Variants in C20orf203 observed in about 807,000 individuals in gnomAD.
C20orf203 encodes the protein chromosome 20 open reading frame 203.
In C20orf203, 16 loss-of-function variants were observed where a neutral mutation model predicts 15.9. The ratio of observed to expected loss-of-function variants is 1.01; its 90% CI spans 0.68 to 1.53. The LOEUF is 1.53. C20orf203 is among the 40% of genes most tolerant of loss of function. The pLI is 0.00. For missense variants in C20orf203, 263 were observed against 247.5 expected (o/e 1.06, Z -0.42); for synonymous variants, 98 against 97.2 (o/e 1.01, Z -0.05).
chr20:32,663,845 G>A (rs1227021120), intron 1 of C20orf203, among the ~76,000 whole-genome samples: 1 of 152,220 alleles, frequency 6.6e-6, no homozygotes, highest in Non-Finnish European at 1.5e-5. Flanking sequence ...ACCAGCCATG[G>A]GACACTGCCC....
chr20:32,643,625 CCACACA>C (rs56325748), intron 4 of C20orf203, among the ~76,000 whole-genome samples: 9,289 of 140,676 alleles, frequency 0.066, 450 homozygotes, highest in African/African-American at 0.13. Flanking sequence ...CTTCCTGGAA[CCACACA>C]CACACACACA....
At chr20:32,643,394 C>T (rs1488432764) in intron 4 of C20orf203, among the ~76,000 whole-genome samples, 1 of 152,090 alleles carries the variant, frequency 6.6e-6, no homozygotes, top group Non-Finnish European at 1.5e-5. Context: ...TAAAATAAAG[C>T]CCAGAGCATC....
At position 32,633,810 on chromosome 20, in the gene C20orf203, C is replaced by T. The variant is rs1303038491; in HGVS notation, c.*1760G>A. ...CCCTCACCGCGTTGCACTACCTGGT[C>T]CCCTGGTCCCAGCCTCCTTTCATGG... On this transcript the variant is annotated 3_prime_UTR_variant, in exon 6 of 6. Transcript: ENST00000608990. The T allele has an allele frequency of 5.2e-6, 2 of 383,514 alleles. No homozygotes were observed. Among genetic ancestry groups the T allele is most frequent in the African/African-American group, 4.1e-5 (2 of 48,306 alleles). The allele number at this position is 383,514 out of a possible 1,614,324, so 23.8% of individuals were successfully genotyped here. A position where few individuals can be genotyped will look rare whatever the true frequency, so the allele number is the denominator to read the frequency against.
chr20:32,641,152 CTACAAAA>C (rs750494577), intron 4 of C20orf203, among the ~76,000 whole-genome samples: 18 of 152,056 alleles, frequency 1.2e-4, no homozygotes, highest in South Asian at 2.1e-4. Context: ...GACCCTGTCT[CTACAAAA>C]TACAAAATAC....
rs1447983329 is a variant in C20orf203 at position 32,633,499 on chromosome 20, G to C, written c.*2071C>G. 1 of 152,274 alleles carries C rather than the reference G, an allele frequency of 6.6e-6. No homozygotes were observed. The highest frequency in any genetic ancestry group is 2.4e-5 in the African/African-American group (1 of 41,436). The allele number at this position is 152,274 out of a possible 1,614,324, so 9.4% of individuals were successfully genotyped here. A position where few individuals can be genotyped will look rare whatever the true frequency, so the allele number is the denominator to read the frequency against. On this transcript the variant is annotated 3_prime_UTR_variant, in exon 6 of 6. Coordinates refer to ENST00000608990, the MANE Select transcript of C20orf203 (RefSeq NM_182584.4). ...CAGATCTCAGCAGCAGGGCTTGGCT[G>C]TGTGACCACTGTGGTCAGCTCCTTC...
chr20:32,646,498 G>A (rs1279834015), intron 4 of C20orf203, among the ~76,000 whole-genome samples: 2 of 152,132 alleles, frequency 1.3e-5, no homozygotes, highest in Admixed American at 6.5e-5. Flanking sequence ...GAGCTACCAC[G>A]TCTGGCCTAG....
At chr20:32,641,333 C>CAAAAA (rs71338447) in intron 4 of C20orf203, among the ~76,000 whole-genome samples, 4 of 56,988 alleles carry the variant, frequency 7.0e-5, no homozygotes, top group East Asian at 4.2e-4. Context: ...CTCAAAAACT[C>CAAAAA]AAAAAAAAAA....
At chr20:32,656,034 C>T (rs2145675548) in intron 1 of C20orf203, among the ~76,000 whole-genome samples, 1 of 152,296 alleles carries the variant, frequency 6.6e-6, no homozygotes, top group East Asian at 1.9e-4. Context: ...CCCACCCTTT[C>T]TCTTGCTCAC....
chr20:32,664,569 G>T (rs1320581010), intron 1 of C20orf203, among the ~76,000 whole-genome samples: 2 of 152,212 alleles, frequency 1.3e-5, no homozygotes, highest in African/African-American at 4.8e-5. Flanking sequence ...AAACCCACAG[G>T]CCTTTTCTAC....
chr20:32,648,097 A>G (rs1982486697), intron 4 of C20orf203, among the ~76,000 whole-genome samples: 1 of 152,232 alleles, frequency 6.6e-6, no homozygotes, highest in South Asian at 2.1e-4. Context: ...CCAAGGCCAC[A>G]CAGTGAGGCA....
intron 4 of C20orf203, among the ~76,000 whole-genome samples, chr20:32,648,612 T>TGTG (rs200979799): frequency 5.4e-4 from 78 of 143,820 alleles, no homozygotes; most frequent in Admixed American, 1.1e-3. Context: ...GGCTAATTTT[T>TGTG]TTTTTTTGTG....
intron 1 of C20orf203, among the ~76,000 whole-genome samples, chr20:32,667,515 A>C (rs1568756299): frequency 6.6e-6 from 1 of 152,104 alleles, no homozygotes; most frequent in Admixed American, 6.6e-5. Flanking sequence ...CATCCATGTA[A>C]CCCTGTTCCT....
At chr20:32,658,650 T>C (rs970779139) in intron 1 of C20orf203, among the ~76,000 whole-genome samples, 1 of 152,180 alleles carries the variant, frequency 6.6e-6, no homozygotes, top group East Asian at 1.9e-4. Context: ...CTGCAATGGA[T>C]AATAATCACT....
In C20orf203 at chr20:32,651,143, T is replaced by C; in HGVS notation, c.10A>G (p.Arg4Gly). 1.9e-6 allele frequency: 1 copy of C among 527,374 alleles called. No individual in the cohort carries two copies. 32.7% of individuals were successfully genotyped at this position (527,374 alleles called of 1,614,324 possible). Residue 4 changes from arginine (R) to glycine (G), a missense_variant, in exon 3 of 6, where the codon AGG (arginine) becomes GGG (glycine). Physicochemically the swap from Arg to Gly is moderately radical, Grantham distance 125. Transcript: ENST00000608990. ...TGAGCCCGGGAGTTCAAGACAGGCC[T>C]AGGAAACATAGGAGACCCTCTCTCT... MFPRPVLNSRAQAI... is the reference protein window; with the variant it reads MFPGPVLNSRAQAI...
intron 5 of C20orf203, among the ~76,000 whole-genome samples, chr20:32,634,608 G>C (rs1041507447): frequency 2.0e-5 from 3 of 152,088 alleles, no homozygotes; most frequent in African/African-American, 7.2e-5. Context: ...CACAGAAAAC[G>C]AGTGAAACAG....
At chr20:32,650,959 A>G in intron 3 of C20orf203, 59 bp downstream of exon 3, 2 of 1,441,180 alleles carry the variant, frequency 1.4e-6, no homozygotes, top group Non-Finnish European at 9.2e-7. Context: ...GTCTTCCCTA[A>G]TTTCCCAACA....
chr20:32,667,051 G>A (rs1232084705), intron 1 of C20orf203, among the ~76,000 whole-genome samples: 4 of 151,230 alleles, frequency 2.6e-5, no homozygotes, highest in African/African-American at 7.3e-5. Flanking sequence ...TGACACTCTG[G>A]CTTTGAGATC....
At chr20:32,672,222 C>G (rs1983187881) in intron 1 of C20orf203, among the ~76,000 whole-genome samples, 1 of 151,888 alleles carries the variant, frequency 6.6e-6, no homozygotes, top group African/African-American at 2.4e-5. Flanking sequence ...AGCTGTAATC[C>G]TAGCTACTTG....
chr20:32,640,272 A>AT (rs920820335), intron 5 of C20orf203, among the ~76,000 whole-genome samples: 1 of 152,132 alleles, frequency 6.6e-6, no homozygotes, highest in Non-Finnish European at 1.5e-5. Context: ...ATATTTTCTA[A>AT]TTTTTTTAAT....
Sources: gnomAD v4.1 joint callset for allele counts (sites outside exome capture counted in the v4.1 genomes callset) on GRCh38, gnomAD v4.1.1 for gene constraint, MANE v1.5 for transcripts, NCBI Gene and HGNC (gene_info 2026-07-23, HGNC 2026-07-21) for gene names.